Variants in NUP205 observed in about 807,000 individuals in gnomAD.
NUP205 encodes the protein nucleoporin 205, also known as nuclear pore complex protein Nup205.
Under a neutral mutation model 253.8 loss-of-function variants are expected in NUP205, and 76 were observed. The observed-to-expected ratio is 0.30, with a 90% confidence interval of 0.25 to 0.36. The LOEUF (loss-of-function observed/expected upper bound fraction) is 0.36. Ranked by LOEUF, NUP205 falls within the 10% of genes least tolerant of loss-of-function variation. The pLI is 1.00. For synonymous variants in NUP205, 832 were observed against 850.1 expected (o/e 0.98, Z 0.37); for missense variants, 2,162 against 2,425.5 (o/e 0.89, Z 2.28).
intron 1 of NUP205, among the ~76,000 whole-genome samples, chr7:135,559,721 C>T (rs1327434859): frequency 6.7e-6 from 1 of 148,748 alleles, no homozygotes; most frequent in African/African-American, 2.5e-5. Context: ...GATGGAGTCT[C>T]ATCCTGTCCA....
At position 135,618,547 on chromosome 7, in the gene NUP205, C is replaced by G. The variant is rs181118681; in HGVS notation, c.3907C>G (p.Gln1303Glu). ...GACAGCTTGTCCCCAGGACCTCATTCAGGCAGAGGATCGACAACTGATTAT... is the reference window on the plus strand; with the variant it reads ...GACAGCTTGTCCCCAGGACCTCATTGAGGCAGAGGATCGACAACTGATTAT... ...ILTACPQDLIQAEDRQLIIRD... is the reference protein window; with the variant it reads ...ILTACPQDLIEAEDRQLIIRD... The change falls in exon 28 of 43, where the codon CAG becomes GAG. Residue 1303 changes from glutamine (Q) to glutamate (E), a missense_variant. By Grantham distance (29) the Gln-to-Glu change is conservative. Transcript: ENST00000285968. 3 of 1,613,562 alleles carry G rather than the reference C, an allele frequency of 1.9e-6. No individual in the cohort carries two copies. The highest frequency in any genetic ancestry group is 1.7e-4 in the Middle Eastern group (1 of 6,056).
chr7:135,591,836 A>G (rs1806638251), intron 11 of NUP205, among the ~76,000 whole-genome samples: 1 of 152,214 alleles, frequency 6.6e-6, no homozygotes, highest in Non-Finnish European at 1.5e-5. Context: ...GTTCATTTTG[A>G]CAAATCAGAA....
chr7:135,620,601 G>C (rs184103168), intron 30 of NUP205, among the ~76,000 whole-genome samples: 4 of 152,196 alleles, frequency 2.6e-5, no homozygotes, highest in African/African-American at 9.6e-5. Flanking sequence ...TTATTCACAG[G>C]CATTTCAATT....
intron 11 of NUP205, among the ~76,000 whole-genome samples, chr7:135,592,167 T>C (rs1396761396): frequency 2.0e-5 from 3 of 152,240 alleles, no homozygotes; most frequent in Non-Finnish European, 2.9e-5. Flanking sequence ...TGATGGGAGC[T>C]GAAATCGGCT....
At chr7:135,648,371 A>G (rs1297152436) in intron 42 of NUP205, 33 bp from the exon 43 acceptor site, 6 of 1,500,656 alleles carry the variant, frequency 4.0e-6, no homozygotes, top group Admixed American at 5.1e-5. Context: ...TGAGACAACA[A>G]TTTTAACAAA....
rs919512364 is a variant in NUP205, at chr7:135,617,213, A to G, written c.3656A>G (p.Lys1219Arg). The change falls in exon 26 of 43, where the codon AAG (lysine) becomes AGG (arginine). Residue 1219 changes from lysine (K) to arginine (R), a missense_variant. Around this residue, in one of 5 missense-constraint regions of NUP205, gnomAD observed 1,144 missense variants for 1,280.9 expected, o/e 0.89. Coordinates refer to ENST00000285968, the MANE Select transcript of NUP205 (RefSeq NM_015135.3). The stretch of plus-strand genomic sequence containing the variant: ...CAAGTTATTGCTAACTGTGAACACA[A>G]GAATTTACGGGGACAGACAGTCTGC... ...IEQVIANCEH[K>R]NLRGQTVCNV... 6.2e-6 allele frequency: 10 copies of G among 1,613,858 alleles called. No individual in the cohort carries two copies. The East Asian group carries it at 2.2e-4, about 36-fold the overall frequency.
intron 8 of NUP205, among the ~76,000 whole-genome samples, chr7:135,586,576 C>A (rs919011575): frequency 6.6e-6 from 1 of 152,146 alleles, no homozygotes; most frequent in African/African-American, 2.4e-5. Context: ...ACATTTACCT[C>A]CAATCACTGC....
At chr7:135,582,779 C>T (rs1223300671) in intron 7 of NUP205, among the ~76,000 whole-genome samples, 1 of 147,788 alleles carries the variant, frequency 6.8e-6, no homozygotes, top group African/African-American at 2.5e-5. Flanking sequence ...GACTTTATTT[C>T]AAAATACGAA....
At chr7:135,584,585 AGTTAT>A (rs1396641939) in intron 7 of NUP205, among the ~76,000 whole-genome samples, 21 of 152,224 alleles carry the variant, frequency 1.4e-4, no homozygotes, top group African/African-American at 4.3e-4. Context: ...AATTTTCATT[AGTTAT>A]GTTATTATTT....
intron 15 of NUP205, among the ~76,000 whole-genome samples, chr7:135,599,543 A>G (rs1793921021): frequency 6.6e-6 from 1 of 152,102 alleles, no homozygotes; most frequent in South Asian, 2.1e-4. Context: ...TAATTACAGC[A>G]CTCATTTCAT....
intron 28 of NUP205, among the ~76,000 whole-genome samples, 195 bp from the exon 29 acceptor site, chr7:135,619,227 AC>A (rs1271106015): frequency 6.6e-6 from 1 of 151,868 alleles, no homozygotes; most frequent in Admixed American, 6.6e-5. Context: ...ACCTGTAGTC[AC>A]AGTTGCGGGA....
chr7:135,584,979 C>G lies in NUP205; in HGVS notation c.1190C>G (p.Thr397Arg). The G allele has an allele frequency of 6.2e-7, 1 of 1,613,230 alleles. No individual in the cohort carries two copies. The change falls in exon 8 of 43, where the codon ACA (threonine) becomes AGA (arginine). Residue 397 changes from threonine to arginine, a missense_variant. Physicochemically the swap from Thr to Arg is moderately conservative, Grantham distance 71 (BLOSUM62 -1). This residue lies in a region of NUP205 where 892 missense variants were observed against 957.1 expected (regional missense o/e 0.93). Transcript: ENST00000285968. Reference sequence around the variant, plus strand: ...ATTCGCAGAGTCCATAATCTCATCACAGATTTCCTTGCACTTATGCCAATG... The same window carrying G: ...ATTCGCAGAGTCCATAATCTCATCAGAGATTTCCTTGCACTTATGCCAATG... The part of the protein sequence containing the change: ...FYIRRVHNLI[T>R]DFLALMPMKV...
intron 35 of NUP205, among the ~76,000 whole-genome samples, chr7:135,631,269 A>G (rs1436037314): frequency 6.6e-6 from 1 of 152,264 alleles, no homozygotes; most frequent in African/African-American, 2.4e-5. Flanking sequence ...ATAGGTATAC[A>G]TGTGAATTTT....
chr7:135,602,060 G>A, intron 17 of NUP205, among the ~76,000 whole-genome samples: 1 of 152,172 alleles, frequency 6.6e-6, no homozygotes. Flanking sequence ...CCTATCAAGT[G>A]TGGGAGCTGG....
chr7:135,629,184 G>A (rs1031224407), intron 34 of NUP205, among the ~76,000 whole-genome samples: 2 of 152,196 alleles, frequency 1.3e-5, no homozygotes, highest in Admixed American at 6.5e-5. Context: ...TCCTTGGCTT[G>A]TTTTGGCATA....
chr7:135,624,366 T>C (rs1794537226), intron 31 of NUP205, among the ~76,000 whole-genome samples: 1 of 149,990 alleles, frequency 6.7e-6, no homozygotes, highest in Non-Finnish European at 1.5e-5. Flanking sequence ...CATGCTGGGG[T>C]AATTTTTATT....
At chr7:135,636,782 G>A (rs901151281) in intron 36 of NUP205, among the ~76,000 whole-genome samples, 2 of 152,140 alleles carry the variant, frequency 1.3e-5, no homozygotes, top group Admixed American at 6.5e-5. Context: ...GAGGTGGGTG[G>A]ATCGCTTGAG....
At chr7:135,573,970 T>C in intron 3 of NUP205, 145 bp downstream of exon 3, 1 of 719,586 alleles carries the variant, frequency 1.4e-6, no homozygotes, top group Non-Finnish European at 2.2e-6. Context: ...TTTCCTTTTT[T>C]AATCTTTGTT....
chr7:135,570,934 TA>T (rs1298795443), intron 1 of NUP205, among the ~76,000 whole-genome samples, 170 bp from the exon 2 acceptor site: 1 of 132,230 alleles, frequency 7.6e-6, no homozygotes, highest in East Asian at 2.0e-4. Context: ...ATAGTTAATG[TA>T]ACATACTAAT....
Sources: gnomAD v4.1 joint callset for allele counts (sites outside exome capture counted in the v4.1 genomes callset) on GRCh38, gnomAD v4.1.1 for gene constraint, gnomAD v4.1.1 regional missense constraint, MANE v1.5 for transcripts, NCBI Gene and HGNC (gene_info 2026-07-23, HGNC 2026-07-21) for gene names.